Variants in SNX29 observed in about 807,000 individuals in gnomAD.
The protein encoded by SNX29 is sorting nexin 29, also known as sorting nexin-29.
In SNX29, 78 loss-of-function variants were observed where a neutral mutation model predicts 102.1. That is an observed-to-expected ratio of 0.76 (90% CI 0.64 to 0.92). The LOEUF is 0.92. Ranked by LOEUF, SNX29 falls within the 40% of genes least tolerant of loss-of-function variation. The pLI is 0.00. For missense variants in SNX29, 1,280 were observed against 1,061.7 expected (o/e 1.21, Z -2.86); for synonymous variants, 580 against 414.5 (o/e 1.40, Z -4.85).
intron 14 of SNX29, among the ~76,000 whole-genome samples, chr16:12,258,965 A>G (rs1033594456): frequency 6.6e-6 from 1 of 152,052 alleles, no homozygotes; most frequent in Non-Finnish European, 1.5e-5. Flanking sequence ...GTACAAAGAG[A>G]TCCTCCGTAG....
At position 12,162,713 on chromosome 16, in the gene SNX29, C is replaced by A. The variant is rs1198758094; in HGVS notation, c.1595+32955C>A. On this transcript the variant is annotated intron_variant, in intron 13 of 20. Transcript: ENST00000566228. The stretch of plus-strand genomic sequence containing the variant: ...GCAGTGGGGTCTTGTGTGTCCTGTT[C>A]ACTTTGGGTCCAGTGCTTTGAACGG... Among the ~76,000 whole-genome samples, 3 of 152,284 alleles carry A rather than the reference C, an allele frequency of 2.0e-5. No individual in the cohort carries two copies. In the South Asian group the frequency reaches 6.2e-4, roughly 32 times the overall value.
intron 20 of SNX29, among the ~76,000 whole-genome samples, chr16:12,530,654 C>T (rs2076907246): frequency 6.6e-6 from 1 of 151,726 alleles, no homozygotes; most frequent in Non-Finnish European, 1.5e-5. Context: ...CTTCTGGGTT[C>T]AAGCGATTCT....
At chr16:12,323,551 A>G (rs1276591265) in intron 15 of SNX29, among the ~76,000 whole-genome samples, 1 of 151,714 alleles carries the variant, frequency 6.6e-6, no homozygotes, top group Non-Finnish European at 1.5e-5. Context: ...AAAGGTTAGC[A>G]GGCAAAGGCA....
intron 13 of SNX29, among the ~76,000 whole-genome samples, chr16:12,147,685 C>T (rs557354658): frequency 6.6e-6 from 1 of 152,144 alleles, no homozygotes; most frequent in Non-Finnish European, 1.5e-5. Context: ...CTTGACTTTC[C>T]CTCTTTGCCT....
At chr16:12,434,963 G>C (rs1396410201) in intron 18 of SNX29, among the ~76,000 whole-genome samples, 1 of 144,634 alleles carries the variant, frequency 6.9e-6, no homozygotes, top group Non-Finnish European at 1.5e-5. Context: ...TGTCAGTCCT[G>C]TTATGGGGGG....
chr16:12,425,888 C>T (rs997563838), intron 18 of SNX29, among the ~76,000 whole-genome samples: 11 of 152,034 alleles, frequency 7.2e-5, no homozygotes, highest in African/African-American at 2.2e-4. Flanking sequence ...TTCTGCTGTA[C>T]CCACAAAACT....
intron 15 of SNX29, among the ~76,000 whole-genome samples, chr16:12,314,767 G>A (rs1294950142): frequency 6.6e-6 from 1 of 152,168 alleles, no homozygotes; most frequent in Admixed American, 6.5e-5. Context: ...CACTTGAATT[G>A]GTTCTGATTG....
chr16:12,284,614 T>C (rs763166597), intron 15 of SNX29, among the ~76,000 whole-genome samples: 9 of 152,270 alleles, frequency 5.9e-5, no homozygotes, highest in Non-Finnish European at 1.0e-4. Flanking sequence ...GTTTATTCAA[T>C]AGCAATTAAC....
intron 16 of SNX29, among the ~76,000 whole-genome samples, chr16:12,383,433 C>CA (rs2083241819): frequency 6.6e-6 from 1 of 151,962 alleles, no homozygotes; most frequent in Non-Finnish European, 1.5e-5. Context: ...GAGTCACTTT[C>CA]TTTTTTTTCT....
intron 18 of SNX29, among the ~76,000 whole-genome samples, chr16:12,429,230 C>T (rs2085213478): frequency 1.3e-5 from 2 of 152,200 alleles, no homozygotes; most frequent in African/African-American, 4.8e-5. Context: ...TTAGTAACAA[C>T]ACACAGATAT....
intron 14 of SNX29, among the ~76,000 whole-genome samples, chr16:12,222,279 T>C (rs531768631): frequency 2.0e-4 from 31 of 152,288 alleles, no homozygotes; most frequent in African/African-American, 7.5e-4. Context: ...GGGGGTTGTA[T>C]AGTGGGAGAA....
At chr16:12,519,293 C>G (rs982110207) in intron 19 of SNX29, among the ~76,000 whole-genome samples, 3 of 152,126 alleles carry the variant, frequency 2.0e-5, no homozygotes, top group Non-Finnish European at 2.9e-5. Context: ...AAGGTCAGAA[C>G]CCAGGTGATC....
At chr16:12,040,251 T>G (rs751014607) in intron 4 of SNX29, among the ~76,000 whole-genome samples, 1 of 152,054 alleles carries the variant, frequency 6.6e-6, no homozygotes, top group African/African-American at 2.4e-5. Context: ...TGGGGGTGCG[T>G]GCCTGTGTCT....
chr16:12,384,906 C>T (rs1036660731), intron 16 of SNX29, among the ~76,000 whole-genome samples: 1 of 152,208 alleles, frequency 6.6e-6, no homozygotes, highest in Admixed American at 6.5e-5. Flanking sequence ...CATGGTGGCT[C>T]CTGCCTATAA....
At chr16:12,403,334 C>T in intron 17 of SNX29, 114 bp from the exon 18 acceptor site, 2 of 860,086 alleles carry the variant, frequency 2.3e-6, no homozygotes, top group East Asian at 3.8e-5. Context: ...TCATAAATTG[C>T]TTGTGCATAA....
intron 15 of SNX29, among the ~76,000 whole-genome samples, chr16:12,317,964 T>G (rs941659301): frequency 2.6e-5 from 4 of 152,140 alleles, no homozygotes; most frequent in African/African-American, 9.7e-5. Flanking sequence ...CACGCTTAGT[T>G]TGGATGGGAG....
chr16:12,222,591 CAG>C (rs1451759126), intron 14 of SNX29, among the ~76,000 whole-genome samples: 3 of 151,950 alleles, frequency 2.0e-5, no homozygotes, highest in African/African-American at 7.3e-5. Context: ...TTCTTTGAGA[CAG>C]AGTCTCTCTC....
At chr16:12,192,794 C>A (rs983979771) in intron 13 of SNX29, among the ~76,000 whole-genome samples, 1 of 152,134 alleles carries the variant, frequency 6.6e-6, no homozygotes, top group African/African-American at 2.4e-5. Context: ...CCTCTGCCTC[C>A]CGGGTTCAAG....
At chr16:12,011,408 G>C (rs2056650804) in intron 3 of SNX29, among the ~76,000 whole-genome samples, 1 of 151,648 alleles carries the variant, frequency 6.6e-6, no homozygotes, top group Non-Finnish European at 1.5e-5. Flanking sequence ...CCGAGTAGCT[G>C]GGATTTTAGG....
Sources: gnomAD v4.1 joint callset for allele counts (sites outside exome capture counted in the v4.1 genomes callset) on GRCh38, gnomAD v4.1.1 for gene constraint, MANE v1.5 for transcripts, NCBI Gene and HGNC (gene_info 2026-07-23, HGNC 2026-07-21) for gene names.